TENM3: variants seen among roughly 807,000 people sequenced by gnomAD.
TENM3 encodes the protein teneurin transmembrane protein 3.
A neutral mutation model predicts 255.1 loss-of-function variants in TENM3; 63 were observed. The ratio of observed to expected loss-of-function variants is 0.25; its 90% confidence interval spans 0.20 to 0.30. TENM3 has a LOEUF of 0.30. TENM3 is among the 10% of genes least tolerant of loss of function. The pLI is 1.00. For synonymous variants in TENM3, 1,306 were observed against 1,322.3 expected (o/e 0.99, Z 0.27); for missense variants, 2,929 against 3,461.1 (o/e 0.85, Z 3.86).
At chr4:182,488,267 T>C (rs1368901507) in intron 3 of TENM3, among the ~76,000 whole-genome samples, 1 of 152,122 alleles carries the variant, frequency 6.6e-6, no homozygotes. Flanking sequence ...ATTAGCATAG[T>C]GGCTGTCCAA....
chr4:181,748,195 G>T, the TENM3 span, among the ~76,000 whole-genome samples: 3 of 151,962 alleles, frequency 2.0e-5, no homozygotes, highest in Non-Finnish European at 4.4e-5. Context: ...AATTTGAACT[G>T]AATTATTATT....
chr4:181,646,953 T>G, the TENM3 span, among the ~76,000 whole-genome samples: 1 of 152,194 alleles, frequency 6.6e-6, no homozygotes, highest in Non-Finnish European at 1.5e-5. Flanking sequence ...GTGGATTAAA[T>G]GGACAGGGGA....
chr4:182,797,798 C>A (rs1766604206), intron 27 of TENM3, among the ~76,000 whole-genome samples: 1 of 152,050 alleles, frequency 6.6e-6, no homozygotes, highest in Admixed American at 6.5e-5. Context: ...CAATTAATTC[C>A]CAACCACCCC....
the TENM3 span, among the ~76,000 whole-genome samples, chr4:182,092,067 C>T: frequency 6.6e-6 from 1 of 152,184 alleles, no homozygotes; most frequent in Non-Finnish European, 1.5e-5. Flanking sequence ...TACAAGGCCA[C>T]GGTGGGCCAC....
the TENM3 span, among the ~76,000 whole-genome samples, chr4:181,679,056 T>C: frequency 6.6e-6 from 1 of 152,128 alleles, no homozygotes; most frequent in Non-Finnish European, 1.5e-5. Context: ...TCTAGCTTAA[T>C]AGGTAGACAA....
At chr4:182,481,340 C>CTT (rs1030773659) in intron 3 of TENM3, among the ~76,000 whole-genome samples, 3 of 152,122 alleles carry the variant, frequency 2.0e-5, no homozygotes, top group Non-Finnish European at 4.4e-5. Flanking sequence ...TTCTCTTTTA[C>CTT]TTTACCTTGA....
the TENM3 span, among the ~76,000 whole-genome samples, chr4:181,704,188 T>C: frequency 2.3e-3 from 348 of 152,284 alleles, 1 homozygote; most frequent in African/African-American, 7.9e-3. Context: ...GTATTTTCCC[T>C]TTCACTGTTT....
At chr4:182,597,113 T>G (rs1332868140) in intron 3 of TENM3, among the ~76,000 whole-genome samples, 1 of 152,172 alleles carries the variant, frequency 6.6e-6, no homozygotes, top group Non-Finnish European at 1.5e-5. Flanking sequence ...ATGCAAAGAC[T>G]TAAAAAGAGC....
At chr4:182,266,088 G>A (rs1759226243) in intron 1 of TENM3, among the ~76,000 whole-genome samples, 1 of 152,216 alleles carries the variant, frequency 6.6e-6, no homozygotes, top group Non-Finnish European at 1.5e-5. Flanking sequence ...CTGTGCTGGA[G>A]AGTCAGCTCT....
In TENM3 at chr4:182,798,638, CTAAT is replaced by C. The variant is rs375492546; in HGVS notation, c.7345-956_7345-953del. Reference sequence around the variant, plus strand: ...CCTAATGCATTTGAACATGCACTTCCTAATTGTGTATGACTTTCCAACATGCCTG... The same window carrying C: ...CCTAATGCATTTGAACATGCACTTCCTGTGTATGACTTTCCAACATGCCTG... On this transcript the variant is annotated intron_variant, in intron 27 of 27. Coordinates refer to ENST00000511685, the MANE Select transcript of TENM3 (RefSeq NM_001080477.4). 4.7e-4 allele frequency among the ~76,000 whole-genome samples: 71 copies of C among 152,326 alleles called. No individual in the cohort carries two copies. In the East Asian group the frequency reaches 0.013, roughly 27 times the overall value.
intron 3 of TENM3, among the ~76,000 whole-genome samples, chr4:182,559,763 TA>T (rs1364093482): frequency 7.2e-5 from 11 of 152,140 alleles, no homozygotes; most frequent in Non-Finnish European, 2.9e-5. Flanking sequence ...AATGGATAAT[TA>T]AGAATCCTTC....
chr4:181,525,396 C>CAAAAAAAAAAAAAAAAAAAAA, the TENM3 span, among the ~76,000 whole-genome samples: 781 of 97,182 alleles, frequency 8.0e-3, 21 homozygotes, highest in East Asian at 0.022. Context: ...GACCCTGTTT[C>CAAAAAAAAAAAAAAAAAAAAA]AAAAAAAAAA....
In TENM3 at chr4:182,793,808, C is replaced by A; in HGVS notation, c.7136C>A (p.Pro2379Gln). The change falls in exon 26 of 28, where the codon CCA (proline) becomes CAA (glutamine). Residue 2379 changes from proline (P) to glutamine (Q), a missense_variant. Physicochemically the swap from Pro to Gln is moderately conservative, Grantham distance 76. Coordinates refer to ENST00000511685, the MANE Select transcript of TENM3 (RefSeq NM_001080477.4). This position sits in a 1 kb window ranked among gnomAD's most constrained non-coding sequence, Gnocchi z 5.7. ...IEIWKRIGKD[P>Q]APFNLYMFRN... is the part of the protein sequence containing the mutation. ...ATCTGGAAAAGAATTGGGAAGGACC[C>A]AGCTCCTTTTAACTTGTACATGTTT... 6.2e-7 allele frequency: 1 copy of A among 1,613,846 alleles called. No individual in the cohort carries two copies. Among genetic ancestry groups the A allele is most frequent in the Non-Finnish European group, 8.5e-7 (1 of 1,179,804 alleles).
chr4:182,634,395 C>T lies in TENM3; in HGVS notation c.988+5506C>T, dbSNP rs116454603. ...AGCAGAATTGAGAAACCTTAGCTGA[C>T]TCATGATAGAATAAATGTGATATGA... On this transcript the variant is annotated intron_variant, in intron 5 of 27. Transcript: ENST00000511685. Among the ~76,000 whole-genome samples, 1,263 of 152,188 alleles carry T rather than the reference C, an allele frequency of 8.3e-3. 17 individuals are homozygous for T. Among genetic ancestry groups the T allele is most frequent in the African/African-American group, 0.029 (1,196 of 41,512 alleles).
chr4:181,948,167 T>TTTA, the TENM3 span, among the ~76,000 whole-genome samples: 1 of 152,146 alleles, frequency 6.6e-6, no homozygotes, highest in East Asian at 1.9e-4. Flanking sequence ...TTTATTCCAA[T>TTTA]TTCTATGGAG....
At chr4:182,592,607 C>T (rs1746782973) in intron 3 of TENM3, among the ~76,000 whole-genome samples, 1 of 152,210 alleles carries the variant, frequency 6.6e-6, no homozygotes. Flanking sequence ...CGCCTGTAAT[C>T]TCAACTACTT....
chr4:181,896,973 A>G, the TENM3 span, among the ~76,000 whole-genome samples: 1 of 152,140 alleles, frequency 6.6e-6, no homozygotes, highest in African/African-American at 2.4e-5. Context: ...ATCTTTCAGA[A>G]ACTGAAATTC....
At chr4:182,635,520 C>A (rs932234100) in intron 5 of TENM3, among the ~76,000 whole-genome samples, 2 of 152,174 alleles carry the variant, frequency 1.3e-5, no homozygotes, top group Non-Finnish European at 2.9e-5. Flanking sequence ...GACTGTTTTG[C>A]TAACTCATTG....
chr4:182,534,664 A>T (rs1219205116), intron 3 of TENM3, among the ~76,000 whole-genome samples: 1 of 152,208 alleles, frequency 6.6e-6, no homozygotes, highest in Non-Finnish European at 1.5e-5. Flanking sequence ...TCGAAATATT[A>T]AGCAAATTGC....
Sources: gnomAD v4.1 joint callset for allele counts (sites outside exome capture counted in the v4.1 genomes callset) on GRCh38, gnomAD v4.1.1 for gene constraint, Gnocchi (gnomAD v3.1) non-coding constraint, MANE v1.5 for transcripts, NCBI Gene and HGNC (gene_info 2026-07-23, HGNC 2026-07-21) for gene names.